EIF2B3: variants seen among roughly 807,000 people sequenced by gnomAD.
EIF2B3 encodes the protein eukaryotic translation initiation factor 2B subunit gamma.
In EIF2B3, 20 loss-of-function variants were observed where a neutral mutation model predicts 54.1. That is an observed-to-expected ratio of 0.37 (90% confidence interval 0.26 to 0.54). EIF2B3 has a LOEUF of 0.54. EIF2B3 is among the 20% of genes least tolerant of loss of function. The probability of loss-of-function intolerance (pLI) is 0.86; values close to 1 mark genes in which losing one functional copy is unlikely to be tolerated. For missense variants in EIF2B3, 448 were observed against 547.8 expected, an observed-to-expected ratio of 0.82 and a Z score of 1.82; for synonymous variants, 153 against 188.1, an observed-to-expected ratio of 0.81 and a Z score of 1.52.
Position 44,909,319 on chromosome 1 carries a change from ATT to A in EIF2B3, c.567-11877_567-11876del, listed in dbSNP as rs113109195. On this transcript the variant is annotated intron_variant, in intron 5 of 11. Transcript: ENST00000360403. The stretch of plus-strand genomic sequence containing the variant: ...AAAACTCACTGAAGTGTCAGTACAG[ATT>A]TTTTTTTTTTTTAAAGACATAAACC... Among the ~76,000 whole-genome samples, 277 of 146,322 alleles carry A rather than the reference ATT, an allele frequency of 1.9e-3. 1 individual carries two copies. Among genetic ancestry groups the A allele is most frequent in the African/African-American group, 6.6e-3 (264 of 40,178 alleles).
intron 3 of EIF2B3, among the ~76,000 whole-genome samples, chr1:44,957,480 TAAG>T (rs1644239910): frequency 6.6e-6 from 1 of 152,126 alleles, no homozygotes; most frequent in South Asian, 2.1e-4. Flanking sequence ...TCACTCATAA[TAAG>T]AAAAATGCAG....
At position 44,874,811 on chromosome 1, in the gene EIF2B3, G is replaced by T. The variant is rs1655069741; in HGVS notation, c.1069C>A (p.Leu357Ile). ...VSKHLVGVDS[L>I]IGPETQIGEK... is the part of the protein sequence containing the mutation. ...CCAATCTGTGTCTCTGGCCCAATGA[G>T]GCTGTCAACTCCAACCTGTAAAAGG... The change falls in exon 10 of 12, where the codon CTC becomes ATC. Residue 357 changes from leucine to isoleucine, a missense_variant. Leu to Ile is a conservative substitution (Grantham distance 5). Transcript: ENST00000360403. 6.2e-7 allele frequency: 1 copy of T among 1,614,106 alleles called. No individual in the cohort carries two copies. Among genetic ancestry groups the T allele is most frequent in the Non-Finnish European group, 8.5e-7 (1 of 1,180,042 alleles).
intron 5 of EIF2B3, among the ~76,000 whole-genome samples, chr1:44,899,569 A>G (rs1656103788): frequency 1.3e-5 from 2 of 152,232 alleles, no homozygotes; most frequent in Non-Finnish European, 1.5e-5. Context: ...AAACACATGA[A>G]GAAATGCTCA....
intron 8 of EIF2B3, among the ~76,000 whole-genome samples, chr1:44,877,845 G>A (rs372202233): frequency 3.3e-5 from 5 of 152,258 alleles, no homozygotes; most frequent in South Asian, 2.1e-4. Flanking sequence ...TTGTCAGCAC[G>A]GCTACACTGG....
intron 5 of EIF2B3, among the ~76,000 whole-genome samples, chr1:44,911,551 ATTACAATTAAGGCAG>A (rs1263795932): frequency 6.6e-6 from 1 of 152,238 alleles, no homozygotes; most frequent in African/African-American, 2.4e-5. Flanking sequence ...GTCAAATGTA[ATTACAATTAAGGCAG>A]TTACTAACAC....
chr1:44,962,499 T>G (rs1293460407), intron 3 of EIF2B3, among the ~76,000 whole-genome samples: 3 of 152,160 alleles, frequency 2.0e-5, no homozygotes, highest in Non-Finnish European at 4.4e-5. Context: ...TTGCCTAAAA[T>G]TCTTGGGCTC....
intron 3 of EIF2B3, among the ~76,000 whole-genome samples, chr1:44,959,825 T>C (rs1442870758): frequency 2.6e-5 from 4 of 152,226 alleles, no homozygotes; most frequent in African/African-American, 7.2e-5. Context: ...AAGGTCACAA[T>C]AGTATTTGTT....
At chr1:44,945,537 G>A (rs1453347755) in intron 3 of EIF2B3, among the ~76,000 whole-genome samples, 1 of 147,362 alleles carries the variant, frequency 6.8e-6, no homozygotes, top group Non-Finnish European at 1.5e-5. Context: ...CTGGGTAACA[G>A]CGCAAGACTC....
At chr1:44,937,723 A>C (rs1009241588) in intron 4 of EIF2B3, among the ~76,000 whole-genome samples, 1 of 151,848 alleles carries the variant, frequency 6.6e-6, no homozygotes, top group African/African-American at 2.4e-5. Context: ...CTCTACTAAA[A>C]AACACAAAAA....
chr1:44,937,020 G>T (rs925914489), intron 4 of EIF2B3, among the ~76,000 whole-genome samples: 5 of 152,130 alleles, frequency 3.3e-5, no homozygotes, highest in Admixed American at 6.5e-5. Flanking sequence ...GAACTCTATA[G>T]ACCTTGTGCT....
intron 6 of EIF2B3, among the ~76,000 whole-genome samples, chr1:44,891,290 A>G (rs963815074): frequency 2.0e-5 from 3 of 151,992 alleles, no homozygotes; most frequent in African/African-American, 7.3e-5. Context: ...TGTTGTAGAG[A>G]TGAGGTCTCC....
At chr1:44,854,824 G>A (rs1654388302) in intron 11 of EIF2B3, among the ~76,000 whole-genome samples, 1 of 151,982 alleles carries the variant, frequency 6.6e-6, no homozygotes, top group African/African-American at 2.4e-5. Flanking sequence ...CTTGACCACA[G>A]GGATCCACCC....
chr1:44,925,451 A>G (rs1643833021), intron 5 of EIF2B3, among the ~76,000 whole-genome samples: 1 of 152,230 alleles, frequency 6.6e-6, no homozygotes, highest in Non-Finnish European at 1.5e-5. Flanking sequence ...CCAATATTGT[A>G]TGATTTCACT....
chr1:44,881,798 A>G lies in EIF2B3; in HGVS notation c.657-59T>C. 1 of 1,605,154 alleles carries G rather than the reference A, an allele frequency of 6.2e-7. No individual in the cohort carries two copies. Among genetic ancestry groups the G allele is most frequent in the Non-Finnish European group, 8.5e-7 (1 of 1,174,834 alleles). ...TGACTGTCTGGAACATACCCGGATC[A>G]AAAGCTCTGTGCATACAAGGAAAAG... On this transcript the variant is annotated intron_variant, in intron 6 of 11. Coordinates refer to ENST00000360403, the MANE Select transcript of EIF2B3 (RefSeq NM_020365.5). The surrounding 1 kb of genome is among the most constrained non-coding windows in gnomAD (Gnocchi z 4.0).
chr1:44,917,755 CTTTTTTTTTTTTTTTTTTTTT>C (rs869139321), intron 5 of EIF2B3, among the ~76,000 whole-genome samples: 23 of 44,240 alleles, frequency 5.2e-4, no homozygotes, highest in African/African-American at 1.3e-3. Context: ...CAATAACACT[CTTTTTTTTTTTTTTTTTTTTT>C]TTTTTTTTTT....
intron 5 of EIF2B3, among the ~76,000 whole-genome samples, chr1:44,917,557 A>T (rs1643648595): frequency 6.6e-6 from 1 of 151,546 alleles, no homozygotes; most frequent in African/African-American, 2.4e-5. Flanking sequence ...TTAATGTATT[A>T]TATATCTTGC....
chr1:44,966,356 G>T (rs547685530), intron 3 of EIF2B3, among the ~76,000 whole-genome samples: 35 of 151,122 alleles, frequency 2.3e-4, no homozygotes, highest in Non-Finnish European at 4.4e-4. Context: ...GGAGAATGGC[G>T]TGAACCTGGG....
Position 44,870,176 on chromosome 1 carries a change from AAGAGAG to A in EIF2B3, c.1202+4496_1202+4501del, listed in dbSNP as rs57863923. Among the ~76,000 whole-genome samples the A allele has an allele frequency of 2.3e-3, 341 of 146,108 alleles. 2 individuals carry two copies. Among genetic ancestry groups the A allele is most frequent in the Admixed American group, 5.4e-3 (79 of 14,648 alleles). ...GACAAAGAGAGACCCCGTCTCAAAA[AAGAGAG>A]AGAGAGAGAGAGAGAGAGAGAGAGA... On this transcript the variant is annotated intron_variant, in intron 10 of 11. Coordinates refer to ENST00000360403, the MANE Select transcript of EIF2B3 (RefSeq NM_020365.5).
At chr1:44,981,850 T>C (rs975809013) in intron 1 of EIF2B3, among the ~76,000 whole-genome samples, 1 of 148,570 alleles carries the variant, frequency 6.7e-6, no homozygotes, top group Admixed American at 6.8e-5. Context: ...AGTGGGAGGA[T>C]CATTTGAGCC....
Sources: gnomAD v4.1 joint callset for allele counts (sites outside exome capture counted in the v4.1 genomes callset) on GRCh38, gnomAD v4.1.1 for gene constraint, Gnocchi (gnomAD v3.1) non-coding constraint, MANE v1.5 for transcripts, NCBI Gene and HGNC (gene_info 2026-07-23, HGNC 2026-07-21) for gene names.